TMTC2: variants seen among roughly 807,000 people sequenced by gnomAD.
The protein encoded by TMTC2 is protein O-mannosyl-transferase TMTC2.
Under a neutral mutation model 82.4 loss-of-function variants are expected in TMTC2, and 43 were observed. That is an observed-to-expected ratio of 0.52 (90% CI 0.41 to 0.67). The LOEUF (loss-of-function observed/expected upper bound fraction) is 0.67. TMTC2 is among the 30% of genes least tolerant of loss of function. TMTC2 has a pLI of 0.00. For synonymous variants in TMTC2, 408 were observed against 381.9 expected (o/e 1.07, Z -0.80); for missense variants, 919 against 1,012.4 (o/e 0.91, Z 1.25).
At chr12:82,944,453 G>A (rs971923268) in intron 4 of TMTC2, among the ~76,000 whole-genome samples, 5 of 151,518 alleles carry the variant, frequency 3.3e-5, no homozygotes, top group East Asian at 1.9e-4. Flanking sequence ...GTGTGGTGGC[G>A]GGCACCAGTA....
intron 8 of TMTC2, among the ~76,000 whole-genome samples, chr12:83,020,616 T>C (rs11115526): frequency 0.59 from 89,963 of 152,022 alleles, 27,156 homozygotes; most frequent in South Asian, 0.73. Context: ...TGGATAACCC[T>C]TATGATAAGA....
intron 3 of TMTC2, among the ~76,000 whole-genome samples, chr12:82,900,940 TA>T (rs1873973619): frequency 1.1e-5 from 1 of 88,638 alleles, no homozygotes; most frequent in Non-Finnish European, 2.0e-5. Flanking sequence ...TATATAGGAA[TA>T]TATATATATC....
intron 8 of TMTC2, among the ~76,000 whole-genome samples, chr12:83,004,736 T>A (rs1880084445): frequency 1.4e-5 from 1 of 69,990 alleles, no homozygotes; most frequent in Non-Finnish European, 2.6e-5. Flanking sequence ...TTTTTTTTTT[T>A]TTTTTTTTTT....
intron 2 of TMTC2, among the ~76,000 whole-genome samples, chr12:82,882,092 C>T (rs1409681961): frequency 1.4e-5 from 2 of 147,712 alleles, no homozygotes; most frequent in Admixed American, 6.7e-5. Flanking sequence ...CTCCGCCTCC[C>T]GGGTTCACGC....
intron 9 of TMTC2, among the ~76,000 whole-genome samples, chr12:83,049,965 A>G (rs1263728861): frequency 6.6e-6 from 1 of 152,134 alleles, no homozygotes; most frequent in Non-Finnish European, 1.5e-5. Context: ...TGTCTTCTTG[A>G]CATTTTCAAA....
chr12:82,992,806 A>G (rs1242449077), intron 8 of TMTC2, among the ~76,000 whole-genome samples: 1 of 152,170 alleles, frequency 6.6e-6, no homozygotes, highest in Non-Finnish European at 1.5e-5. Context: ...CTTTGATTCA[A>G]CTTTTGTATG....
intron 1 of TMTC2, among the ~76,000 whole-genome samples, chr12:82,754,171 A>G (rs1210796758): frequency 1.3e-5 from 2 of 152,196 alleles, no homozygotes; most frequent in Non-Finnish European, 2.9e-5. Flanking sequence ...TCTTATAATA[A>G]GAGTAATTGT....
At chr12:82,829,576 C>G (rs1209716134) in intron 1 of TMTC2, among the ~76,000 whole-genome samples, 1 of 152,170 alleles carries the variant, frequency 6.6e-6, no homozygotes, top group African/African-American at 2.4e-5. Flanking sequence ...AATCCCACCT[C>G]TATGATAGAT....
intron 3 of TMTC2, among the ~76,000 whole-genome samples, chr12:82,901,356 A>G (rs7138118): frequency 0.24 from 30,982 of 131,044 alleles, 5,710 homozygotes; most frequent in African/African-American, 0.5. Flanking sequence ...CCAGGCTGGC[A>G]TGCAGTGGTG....
rs77833873 is a variant in TMTC2 at position 82,792,990 on chromosome 12, G to A, written c.84-64020G>A. On this transcript the variant is annotated intron_variant, in intron 1 of 11. Coordinates refer to ENST00000321196, the MANE Select transcript of TMTC2 (RefSeq NM_152588.3). Reference sequence around the variant, plus strand: ...GGAAATTAATACATGTTGTCCAGGCGTTCCTCTGAGATTTCTTAAAGTGTG... The same window carrying A: ...GGAAATTAATACATGTTGTCCAGGCATTCCTCTGAGATTTCTTAAAGTGTG... Among the ~76,000 whole-genome samples the A allele has an allele frequency of 6.5e-3, 982 of 152,192 alleles. 10 individuals are homozygous for A. The highest frequency in any genetic ancestry group is 0.014 in the Middle Eastern group (4 of 294).
chr12:82,958,354 C>CAAAAAAAAAAAAAAAAAAAAAA (rs750819932), intron 4 of TMTC2, among the ~76,000 whole-genome samples: 1 of 19,954 alleles, frequency 5.0e-5, no homozygotes, highest in African/African-American at 2.4e-4. Flanking sequence ...GAGTCTGTCT[C>CAAAAAAAAAAAAAAAAAAAAAA]AAAAAAAAAA....
intron 3 of TMTC2, among the ~76,000 whole-genome samples, chr12:82,914,430 A>C (rs1444300093): frequency 1.3e-5 from 2 of 152,170 alleles, no homozygotes. Flanking sequence ...TAACACATGG[A>C]ATATTCTCCC....
intron 1 of TMTC2, among the ~76,000 whole-genome samples, chr12:82,802,340 C>T (rs568570797): frequency 6.6e-6 from 1 of 152,312 alleles, no homozygotes; most frequent in Admixed American, 6.5e-5. Flanking sequence ...CTCCACACCT[C>T]CCCGCAAGCT....
intron 1 of TMTC2, among the ~76,000 whole-genome samples, chr12:82,830,751 G>A (rs1869703693): frequency 6.6e-6 from 1 of 152,108 alleles, no homozygotes; most frequent in East Asian, 1.9e-4. Context: ...ATACTCTATA[G>A]TAGTTAATGA....
intron 2 of TMTC2, among the ~76,000 whole-genome samples, chr12:82,890,134 C>T (rs1230588596): frequency 6.6e-6 from 1 of 152,134 alleles, no homozygotes; most frequent in Non-Finnish European, 1.5e-5. Context: ...CTTTATTTAA[C>T]TTACATTTGT....
At chr12:82,894,965 ATTTTTTT>A (rs538079811) in intron 2 of TMTC2, among the ~76,000 whole-genome samples, 1 of 122,412 alleles carries the variant, frequency 8.2e-6, no homozygotes, top group African/African-American at 3.2e-5. Flanking sequence ...ATGCCTGGCA[ATTTTTTT>A]TTTTTTTTTT....
At chr12:82,823,417 T>G (rs940163592) in intron 1 of TMTC2, among the ~76,000 whole-genome samples, 1 of 152,226 alleles carries the variant, frequency 6.6e-6, no homozygotes, top group Non-Finnish European at 1.5e-5. Context: ...TTAATTTGTT[T>G]CTTTCATAAT....
chr12:82,754,314 C>T (rs1876179225), intron 1 of TMTC2, among the ~76,000 whole-genome samples: 1 of 151,622 alleles, frequency 6.6e-6, no homozygotes, highest in Non-Finnish European at 1.5e-5. Flanking sequence ...AAAGAAAAAC[C>T]CATGGGGTTT....
At chr12:82,838,617 C>A (rs924154482) in intron 1 of TMTC2, among the ~76,000 whole-genome samples, 4 of 152,136 alleles carry the variant, frequency 2.6e-5, no homozygotes, top group African/African-American at 9.7e-5. Flanking sequence ...TATGTGTGAA[C>A]CCCCTGGTCT....
Sources: gnomAD v4.1 joint callset for allele counts (sites outside exome capture counted in the v4.1 genomes callset) on GRCh38, gnomAD v4.1.1 for gene constraint, MANE v1.5 for transcripts, NCBI Gene and HGNC (gene_info 2026-07-23, HGNC 2026-07-21) for gene names.